Variants in SLC8B1 observed in about 807,000 individuals in gnomAD.
SLC8B1 encodes the protein solute carrier family 8 member B1.
A neutral mutation model predicts 63.4 loss-of-function variants in SLC8B1; 52 were observed. The ratio of observed to expected loss-of-function variants is 0.82; its 90% confidence interval spans 0.66 to 1.03. The LOEUF is 1.03. Ranked by LOEUF, SLC8B1 falls within the 50% of genes least tolerant of loss-of-function variation. The probability of loss-of-function intolerance (pLI) is 0.00; values close to 1 mark genes in which losing one functional copy is unlikely to be tolerated. For synonymous variants in SLC8B1, 336 were observed against 323.9 expected (o/e 1.04, Z -0.40); for missense variants, 657 against 741.7 (o/e 0.89, Z 1.33).
At position 113,334,653 on chromosome 12, in the gene SLC8B1, G is replaced by C. The variant is rs959011627; in HGVS notation, c.-293C>G. ...ATGTGTGAAATGGACACAAATGCTGGCCGACGCGGTATACAATAAGAGCTC... is the reference window on the plus strand; with the variant it reads ...ATGTGTGAAATGGACACAAATGCTGCCCGACGCGGTATACAATAAGAGCTC... On this transcript the variant is annotated 5_prime_UTR_variant, in exon 1 of 16. Transcript: ENST00000680972. The C allele has an allele frequency of 2.6e-5, 4 of 152,232 alleles. No homozygotes were observed. Among genetic ancestry groups the C allele is most frequent in the African/African-American group, 9.6e-5 (4 of 41,456 alleles). The allele number at this position is 152,232 out of a possible 1,614,324, so 9.4% of individuals were successfully genotyped here.
At chr12:113,306,365 A>T in intron 14 of SLC8B1, 130 bp downstream of exon 14, 1 of 685,966 alleles carries the variant, frequency 1.5e-6, no homozygotes, top group East Asian at 2.7e-5. Context: ...TTGGAGCCTG[A>T]GGCTCAGGCA....
Position 113,310,617 on chromosome 12 carries a change from C to G in SLC8B1, c.1136-262G>C, listed in dbSNP as rs76335632. Among the ~76,000 whole-genome samples the G allele has an allele frequency of 3.5e-4, 53 of 152,238 alleles. 1 individual carries two copies. Among genetic ancestry groups the G allele is most frequent in the African/African-American group, 1.3e-3 (53 of 41,466 alleles). ...ATGGCTATAACCACTAACACCACCA[C>G]CCTCTTCCACCTTCATGGCAGACAT... On this transcript the variant is annotated intron_variant, in intron 11 of 15. Transcript: ENST00000680972.
chr12:113,310,996 C>T (rs1351775647), intron 11 of SLC8B1, among the ~76,000 whole-genome samples: 1 of 152,172 alleles, frequency 6.6e-6, no homozygotes, highest in Non-Finnish European at 1.5e-5. Context: ...TAGCTCATGG[C>T]TCCCAAATGA....
At chr12:113,316,874 C>T in intron 9 of SLC8B1, 68 bp downstream of exon 9, 2 of 1,558,242 alleles carry the variant, frequency 1.3e-6, no homozygotes, top group Non-Finnish European at 1.8e-6. Flanking sequence ...TCTTGGAGGG[C>T]CCCATCTTTC....
At chr12:113,301,503 A>C (rs1420442932) in intron 15 of SLC8B1, among the ~76,000 whole-genome samples, 1 of 151,630 alleles carries the variant, frequency 6.6e-6, no homozygotes, top group East Asian at 1.9e-4. Context: ...CGCCTGGCTA[A>C]TTTTTTTGTA....
At chr12:113,322,051 A>G (rs1349442547) in intron 2 of SLC8B1, among the ~76,000 whole-genome samples, 1 of 152,084 alleles carries the variant, frequency 6.6e-6, no homozygotes, top group Non-Finnish European at 1.5e-5. Context: ...ATAAAAAATT[A>G]GGTAGGCATG....
At chr12:113,306,185 G>C (rs1956672586) in intron 14 of SLC8B1, among the ~76,000 whole-genome samples, 1 of 151,326 alleles carries the variant, frequency 6.6e-6, no homozygotes, top group Non-Finnish European at 1.5e-5. Context: ...TCTTCCATAG[G>C]ACACATAAGC....
chr12:113,303,788 CT>C (rs1218696528), intron 15 of SLC8B1, among the ~76,000 whole-genome samples: 1 of 146,574 alleles, frequency 6.8e-6, no homozygotes, highest in Middle Eastern at 3.2e-3. Context: ...CAGTCTGGCC[CT>C]TCCGCTGCGT....
chr12:113,313,512 G>T (rs939189270), intron 11 of SLC8B1, among the ~76,000 whole-genome samples: 1 of 152,112 alleles, frequency 6.6e-6, no homozygotes, highest in African/African-American at 2.4e-5. Flanking sequence ...GAGCCGAGGT[G>T]GGTGGATCAC....
intron 15 of SLC8B1, among the ~76,000 whole-genome samples, chr12:113,301,333 C>CTTTTTTTTTTT (rs61095726): frequency 9.3e-6 from 1 of 107,600 alleles, no homozygotes; most frequent in Non-Finnish European, 1.8e-5. Flanking sequence ...CTTTATAAGG[C>CTTTTTTTTTTT]TTTTTTTTTT....
At chr12:113,327,920 G>A (rs1015729539) in intron 2 of SLC8B1, among the ~76,000 whole-genome samples, 1 of 148,204 alleles carries the variant, frequency 6.7e-6, no homozygotes, top group Non-Finnish European at 1.5e-5. Flanking sequence ...AGAGGTTGCA[G>A]TGAGCTGAGA....
At chr12:113,318,781 G>A (rs1396371780) in intron 8 of SLC8B1, among the ~76,000 whole-genome samples, 183 bp downstream of exon 8, 1 of 152,166 alleles carries the variant, frequency 6.6e-6, no homozygotes, top group Non-Finnish European at 1.5e-5. Flanking sequence ...TGCAGGTGAT[G>A]CAGAGGCTCA....
rs769939228 is a variant in SLC8B1, at chr12:113,321,274, A to G, written c.231T>C (p.Asp77=). 1.9e-6 allele frequency: 3 copies of G among 1,614,146 alleles called. No homozygotes were observed. The African/African-American group carries it at 4.0e-5, about 22-fold the overall frequency. Residue 77 remains aspartate (D), a synonymous_variant, in exon 3 of 16, where the codon GAT becomes GAC. Transcript: ENST00000680972. ...CTTCCAGGTAGTCCAGGTACCCCCC[A>G]TCACTGTGGCAGTCAGGGTTGGTCC... ...FIRTNPDCHS[D]GGYLDYLEGI...
rs2136844488 is a variant in SLC8B1 at position 113,316,529 on chromosome 12, G to C, written c.990C>G (p.Phe330Leu). The C allele has an allele frequency of 3.7e-6, 6 of 1,613,892 alleles. No homozygotes were observed. The highest frequency in any genetic ancestry group is 5.1e-6 in the Non-Finnish European group (6 of 1,179,834). Residue 330 changes from phenylalanine to leucine, a missense_variant, in exon 10 of 16, where the codon TTC becomes TTG. Coordinates refer to ENST00000680972, the MANE Select transcript of SLC8B1 (RefSeq NM_001358345.2). ...KSAYWKALKV[F>L]KLPVEFLLLL... ...CCTGGCTCCAGGACCCTCCTACCTT[G>C]AACACCTTGAGGGCTTTCCAGTATG...
intron 15 of SLC8B1, among the ~76,000 whole-genome samples, 184 bp from the exon 16 acceptor site, chr12:113,300,158 C>G (rs1593232717): frequency 6.6e-6 from 1 of 152,036 alleles, no homozygotes; most frequent in South Asian, 2.1e-4. Flanking sequence ...AACAATGCAC[C>G]CTCAACAACA....
chr12:113,318,208 T>G lies in SLC8B1; in HGVS notation c.802+756A>C, dbSNP rs1956865146. On this transcript the variant is annotated intron_variant, in intron 8 of 15. Transcript: ENST00000680972. ...TGTGTTGCACATGTATGTGCATGTA[T>G]TCATATATGTGTTGTATGTACACAT... is the stretch of plus-strand genomic sequence containing the variant. Among the ~76,000 whole-genome samples the G allele has an allele frequency of 3.9e-5, 6 of 152,036 alleles. No homozygotes were observed. In the South Asian group the frequency reaches 1.0e-3, roughly 26 times the overall value.
chr12:113,324,230 T>TTGAGTC (rs1331416031), intron 2 of SLC8B1, among the ~76,000 whole-genome samples: 1 of 151,800 alleles, frequency 6.6e-6, no homozygotes, highest in African/African-American at 2.4e-5. Context: ...AGAGGATTGC[T>TTGAGTC]TGAGTCTGGG....
In SLC8B1 at chr12:113,318,965, T is replaced by C. The variant is rs769194075; in HGVS notation, c.801A>G (p.Pro267=). The stretch of plus-strand genomic sequence containing the variant: ...CTGGGGTCCGATGCAGACTCTTACC[T>C]GGAGTAACTGGCATGGGGCAGAACA... ...GSLFCPMPVT[P]EILSDSEEDR... Residue 267 remains proline (P), a splice_region_variant and synonymous_variant, in exon 8 of 16, where the codon CCA becomes CCG. Transcript: ENST00000680972. The C allele has an allele frequency of 6.2e-7, 1 of 1,613,540 alleles. No homozygotes were observed. Among genetic ancestry groups the C allele is most frequent in the Middle Eastern group, 1.7e-4 (1 of 6,060 alleles).
chr12:113,320,417 A>C lies in SLC8B1; in HGVS notation c.608T>G (p.Phe203Cys), dbSNP rs760580572. 1 of 1,614,152 alleles carries C rather than the reference A, an allele frequency of 6.2e-7. No individual in the cohort carries two copies. Among genetic ancestry groups the C allele is most frequent in the Admixed American group, 1.7e-5 (1 of 60,020 alleles). Residue 203 changes from phenylalanine (F) to cysteine (C), a missense_variant, in exon 7 of 16, where the codon TTC becomes TGC. Phe to Cys is a radical substitution (Grantham distance 205). Transcript: ENST00000680972. The surrounding 1 kb of genome is among the most constrained non-coding windows in gnomAD (Gnocchi z 5.3). ...HPFMAASRPF[F>C]RDIVFYMVAV... is the part of the protein sequence containing the mutation. ...CACCATGTAGAAAACGATGTCCCTG[A>C]AGAAGGGCCTGGAGGCAGCCATGAA...
Sources: allele counts gnomAD v4.1 joint callset (sites outside exome capture counted in the v4.1 genomes callset), GRCh38; gene constraint gnomAD v4.1.1; non-coding constraint Gnocchi (gnomAD v3.1); transcripts MANE v1.5; gene names NCBI Gene and HGNC (gene_info 2026-07-23, HGNC 2026-07-21).